Variants in LGR6 observed in about 807,000 individuals in gnomAD.
The protein encoded by LGR6 is leucine-rich repeat-containing G protein-coupled receptor 6.
LGR6 carries 45 observed loss-of-function variants against 69.4 expected under a neutral mutation model. That is an observed-to-expected ratio of 0.65 (90% CI 0.51 to 0.83). The LOEUF is 0.83. LGR6 is among the 40% of genes least tolerant of loss of function. The pLI is 0.00. For synonymous variants in LGR6, 538 were observed against 555.0 expected (o/e 0.97, Z 0.43); for missense variants, 1,108 against 1,246.7 (o/e 0.89, Z 1.68).
At chr1:202,280,652 C>T (rs1037051387) in intron 5 of LGR6, 129 bp from the exon 6 acceptor site, 3 of 839,998 alleles carry the variant, frequency 3.6e-6, no homozygotes, top group South Asian at 2.8e-5. Flanking sequence ...TGGAAACAAA[C>T]GGATGGACCA....
chr1:202,310,321 C>T lies in LGR6; in HGVS notation c.1531C>T (p.Pro511Ser), dbSNP rs768263796. The change falls in exon 16 of 18, where the codon CCC becomes TCC. Residue 511 changes from proline (P) to serine (S), a missense_variant. Transcript: ENST00000367278. The part of the protein sequence containing the change: ...HLDDEESSKR[P>S]LGLLARQAEN... ...TGATGATGAGGAGTCTTCAAAAAGG[C>T]CCCTGGGCCTCCTTGCCAGACAAGC... 9 of 1,613,820 alleles carry T rather than the reference C, an allele frequency of 5.6e-6. No homozygotes were observed. The highest frequency in any genetic ancestry group is 7.6e-6 in the Non-Finnish European group (9 of 1,179,932).
chr1:202,215,906 G>T (rs1053122921), intron 1 of LGR6, among the ~76,000 whole-genome samples: 1 of 151,156 alleles, frequency 6.6e-6, no homozygotes, highest in African/African-American at 2.5e-5. Flanking sequence ...GACTGAACCT[G>T]CAGAGATCAG....
In LGR6 at chr1:202,300,901, A is replaced by G; in HGVS notation, c.838A>G (p.Asn280Asp). 6.8e-6 allele frequency: 11 copies of G among 1,612,718 alleles called. No individual in the cohort carries two copies. The highest frequency in any genetic ancestry group is 9.3e-6 in the Non-Finnish European group (11 of 1,179,368). The change falls in exon 8 of 18, where the codon AAC (asparagine) becomes GAC (aspartate). Residue 280 changes from asparagine to aspartate, a missense_variant. Coordinates refer to ENST00000367278, the MANE Select transcript of LGR6 (RefSeq NM_001017403.2). Reference protein sequence around the residue: ...KAIPEKAFMGNPLLQTIHFYD... With the variant: ...KAIPEKAFMGDPLLQTIHFYD... Reference sequence around the variant, plus strand: ...CATCCCAGAAAAGGCCTTCATGGGGAACCCTCTGCTACAGACGATGTGAGT... The same window carrying G: ...CATCCCAGAAAAGGCCTTCATGGGGGACCCTCTGCTACAGACGATGTGAGT...
chr1:202,316,198 T>G (rs1046639323), intron 17 of LGR6, among the ~76,000 whole-genome samples: 5 of 152,212 alleles, frequency 3.3e-5, no homozygotes, highest in Admixed American at 2.6e-4. Context: ...GAAAGAGTTT[T>G]GTTTGACTCA....
intron 4 of LGR6, among the ~76,000 whole-genome samples, chr1:202,254,585 T>C (rs1663597505): frequency 6.6e-6 from 1 of 152,238 alleles, no homozygotes; most frequent in South Asian, 2.1e-4. Context: ...GGTGCTGATG[T>C]GCCTGCCTTC....
Position 202,319,122 on chromosome 1 carries a change from C to G in LGR6, c.2819C>G (p.Ala940Gly). 6.2e-7 allele frequency: 1 copy of G among 1,614,212 alleles called. No homozygotes were observed. Among genetic ancestry groups the G allele is most frequent in the South Asian group, 1.1e-5 (1 of 91,082 alleles). The change falls in exon 18 of 18, where the codon GCA becomes GGA. Residue 940 changes from alanine (A) to glycine (G), a missense_variant. Transcript: ENST00000367278. ...PSMDGELLLRAEGSTPAGGGL... is the reference protein window; with the variant it reads ...PSMDGELLLRGEGSTPAGGGL... ...ATGGATGGAGAACTGCTGCTGAGGG[C>G]AGAGGGATCTACGCCAGCAGGTGGA...
At chr1:202,309,248 A>G in intron 15 of LGR6, 72 bp downstream of exon 15, 2 of 1,572,016 alleles carry the variant, frequency 1.3e-6, no homozygotes, top group Admixed American at 1.7e-5. Flanking sequence ...AGAAAGCCAG[A>G]TGGCCCCACC....
chr1:202,217,792 A>C (rs542128983), intron 1 of LGR6, among the ~76,000 whole-genome samples: 1 of 152,276 alleles, frequency 6.6e-6, no homozygotes, highest in Non-Finnish European at 1.5e-5. Flanking sequence ...CCAACAAGGG[A>C]GCCAAGAAAG....
At chr1:202,315,280 A>G (rs1654058019) in intron 17 of LGR6, among the ~76,000 whole-genome samples, 1 of 152,182 alleles carries the variant, frequency 6.6e-6, no homozygotes, top group Admixed American at 6.5e-5. Context: ...GGACTCCAAC[A>G]GGTCACCTTC....
intron 4 of LGR6, among the ~76,000 whole-genome samples, chr1:202,236,618 C>T (rs973389182): frequency 6.6e-6 from 1 of 152,176 alleles, no homozygotes; most frequent in Non-Finnish European, 1.5e-5. Context: ...CCAGTGGGAG[C>T]CGCTGGGCTT....
rs1206172858 is a variant in LGR6 at position 202,267,607 on chromosome 1, G to T, written c.429-8699G>T. On this transcript the variant is annotated intron_variant, in intron 4 of 17. Transcript: ENST00000367278. ...TCTGAGCCTCCTTTTCTGCATGCAAGATGGGAAGCATAAGGTTCCTACTCC... is the reference window on the plus strand; with the variant it reads ...TCTGAGCCTCCTTTTCTGCATGCAATATGGGAAGCATAAGGTTCCTACTCC... Among the ~76,000 whole-genome samples the T allele has an allele frequency of 2.0e-5, 3 of 152,256 alleles. No homozygotes were observed. The East Asian group carries it at 5.8e-4, about 29-fold the overall frequency.
intron 4 of LGR6, among the ~76,000 whole-genome samples, chr1:202,273,888 A>G (rs1347934114): frequency 1.3e-5 from 2 of 151,822 alleles, no homozygotes; most frequent in Non-Finnish European, 2.9e-5. Flanking sequence ...ATCCTATCCT[A>G]CCTTAAGAAG....
chr1:202,231,149 C>T (rs1311415630), intron 3 of LGR6, among the ~76,000 whole-genome samples: 2 of 152,196 alleles, frequency 1.3e-5, no homozygotes, highest in African/African-American at 4.8e-5. Context: ...ATCTCCGGGA[C>T]CCATCCCGGA....
chr1:202,298,565 A>G (rs1667342397), intron 7 of LGR6: 1 of 146,488 alleles, frequency 6.8e-6, no homozygotes, highest in African/African-American at 2.5e-5. Context: ...CTCTGTCGCC[A>G]TGCTGGAGTG....
rs1163318852 is a variant in LGR6, at chr1:202,194,047, C to T, written c.58C>T (p.Arg20Trp). 2.3e-5 allele frequency: 32 copies of T among 1,390,190 alleles called. No homozygotes were observed. Among genetic ancestry groups the T allele is most frequent in the African/African-American group, 3.0e-5 (2 of 65,922 alleles). The allele number at this position is 1,390,190 out of a possible 1,614,324, so 86.1% of individuals were successfully genotyped here. ...LWLCAALCAS[R>W]RAGGAPQPGP... ...GCTTTGCGCCGCGCTGTGCGCTTCCCGGAGGGCCGGCGGCGCCCCCCAGCC... is the reference window on the plus strand; with the variant it reads ...GCTTTGCGCCGCGCTGTGCGCTTCCTGGAGGGCCGGCGGCGCCCCCCAGCC... The change falls in exon 1 of 18, where the codon CGG becomes TGG. Residue 20 changes from arginine to tryptophan, a missense_variant. Physicochemically the swap from Arg to Trp is moderately radical, Grantham distance 101 (BLOSUM62 -3). Coordinates refer to ENST00000367278, the MANE Select transcript of LGR6 (RefSeq NM_001017403.2).
intron 1 of LGR6, among the ~76,000 whole-genome samples, chr1:202,204,213 GCACACACACACACCTC>G (rs1369811970): frequency 2.0e-4 from 28 of 140,860 alleles, no homozygotes; most frequent in South Asian, 6.6e-4. Flanking sequence ...CCTCCTTCAA[GCACACACACACACCTC>G]CACACACACA....
At chr1:202,278,706 T>C (rs947816160) in intron 5 of LGR6, among the ~76,000 whole-genome samples, 1 of 151,868 alleles carries the variant, frequency 6.6e-6, no homozygotes, top group African/African-American at 2.4e-5. Flanking sequence ...CTGGATATGA[T>C]GGGAAGCAAA....
chr1:202,195,457 G>A (rs1377993488), intron 1 of LGR6, among the ~76,000 whole-genome samples: 1 of 152,246 alleles, frequency 6.6e-6, no homozygotes, highest in Non-Finnish European at 1.5e-5. Flanking sequence ...AAAGGCACAG[G>A]CTGTGGGCCA....
rs558418128 is a variant in LGR6 at position 202,313,114 on chromosome 1, C to A, written c.1568-1688C>A. 2.5e-3 allele frequency among the ~76,000 whole-genome samples: 385 copies of A among 152,060 alleles called. 1 individual carries two copies. The highest frequency in any genetic ancestry group is 9.0e-3 in the African/African-American group (374 of 41,464). ...TGGTGGCGGGCGCCTGTAGTCCCAG[C>A]TGCTCAGGAGGCTGAGGCAGGAGAA... is the stretch of plus-strand genomic sequence containing the variant. On this transcript the variant is annotated intron_variant, in intron 16 of 17. Transcript: ENST00000367278.
Sources: gnomAD v4.1 joint callset for allele counts (sites outside exome capture counted in the v4.1 genomes callset) on GRCh38, gnomAD v4.1.1 for gene constraint, MANE v1.5 for transcripts, NCBI Gene and HGNC (gene_info 2026-07-23, HGNC 2026-07-21) for gene names.